Variants in KCNK4 observed in about 807,000 individuals in gnomAD.
The protein encoded by KCNK4 is potassium channel subfamily K member 4.
KCNK4 carries 22 observed loss-of-function variants against 28.8 expected under a neutral mutation model. The ratio of observed to expected loss-of-function variants is 0.76; its 90% CI spans 0.55 to 1.09. The LOEUF (loss-of-function observed/expected upper bound fraction) is 1.09, where lower values mean the gene tolerates loss of function less well. KCNK4 is among the 50% of genes least tolerant of loss of function. KCNK4 has a pLI of 0.00. For missense variants in KCNK4, 483 were observed against 546.3 expected, an observed-to-expected ratio of 0.88 and a Z score of 1.15; for synonymous variants, 263 against 252.9, an observed-to-expected ratio of 1.04 and a Z score of -0.38.
At chr11:64,295,242 A>G (rs1442381351) in intron 2 of KCNK4, among the ~76,000 whole-genome samples, 1 of 152,184 alleles carries the variant, frequency 6.6e-6, no homozygotes, top group East Asian at 1.9e-4. Flanking sequence ...CTTTCTGTTA[A>G]GCACCAATTG....
Position 64,297,153 on chromosome 11 carries a change from G to T in KCNK4, c.348G>T (p.Gly116=). 6.2e-7 allele frequency: 1 copy of T among 1,614,184 alleles called. No homozygotes were observed. The highest frequency in any genetic ancestry group is 8.5e-7 in the Non-Finnish European group (1 of 1,180,042). The part of the protein sequence containing the change: ...YGNVALRTDA[G]RLFCIFYALV... Reference sequence around the variant, plus strand: ...ATGTGGCCCTGCGCACAGATGCCGGGCGCCTCTTCTGCATCTTTTATGCGC... The same window carrying T: ...ATGTGGCCCTGCGCACAGATGCCGGTCGCCTCTTCTGCATCTTTTATGCGC... Residue 116 remains glycine (G), a synonymous_variant, in exon 4 of 7, where the codon GGG becomes GGT. Transcript: ENST00000422670.
chr11:64,292,862 T>C, intron 1 of KCNK4, 80 bp from the exon 2 acceptor site: 2 of 1,370,504 alleles, frequency 1.5e-6, no homozygotes, highest in East Asian at 5.6e-5. Context: ...TATGGATCTT[T>C]GGGTGTGTAG....
chr11:64,293,609 C>CT lies in KCNK4; in HGVS notation c.189+411dup, dbSNP rs201150836. On this transcript the variant is annotated intron_variant, in intron 2 of 6. Transcript: ENST00000422670. ...TGAATTACAGTTAAACTGCAAATGC[C>CT]TTTTTTTTTGAGACGGAGTCTCCCT... Among the ~76,000 whole-genome samples the CT allele has an allele frequency of 8.1e-4, 123 of 151,402 alleles. No individual in the cohort carries two copies. The East Asian group carries it at 8.3e-3, about 10-fold the overall frequency.
At position 64,299,683 on chromosome 11, in the gene KCNK4, C is replaced by A. The variant is rs1321289199; in HGVS notation, c.1139C>A (p.Pro380His). ...RPNPPRKPVR[P>H]RGPGRPRDKG... ...AATCCCCCCAGGAAGCCCGTGCGGC[C>A]CCGCGGCCCCGGGCGTCCCCGAGAC... Residue 380 changes from proline (P) to histidine (H), a missense_variant, in exon 7 of 7, where the codon CCC becomes CAC. By Grantham distance (77) the Pro-to-His change is moderately conservative. Coordinates refer to ENST00000422670, the MANE Select transcript of KCNK4 (RefSeq NM_033310.3). 1 of 1,580,374 alleles carries A rather than the reference C, an allele frequency of 6.3e-7. No individual in the cohort carries two copies. Among genetic ancestry groups the A allele is most frequent in the Non-Finnish European group, 8.6e-7 (1 of 1,164,572 alleles).
chr11:64,297,183 G>A lies in KCNK4; in HGVS notation c.378G>A (p.Val126=). Residue 126 remains valine, a synonymous_variant, in exon 4 of 7, where the codon GTG becomes GTA. Coordinates refer to ENST00000422670, the MANE Select transcript of KCNK4 (RefSeq NM_033310.3). ...TCTTCTGCATCTTTTATGCGCTGGTGGGGATTCCGCTGTTTGGGATCCTAC... is the reference window on the plus strand; with the variant it reads ...TCTTCTGCATCTTTTATGCGCTGGTAGGGATTCCGCTGTTTGGGATCCTAC... ...GRLFCIFYAL[V]GIPLFGILLA... 6.2e-7 allele frequency: 1 copy of A among 1,614,142 alleles called. No homozygotes were observed. Among genetic ancestry groups the A allele is most frequent in the Non-Finnish European group, 8.5e-7 (1 of 1,180,024 alleles).
rs1316323341 is a variant in KCNK4 at position 64,298,074 on chromosome 11, A to G, written c.662-36A>G. On this transcript the variant is annotated intron_variant, in intron 5 of 6. Coordinates refer to ENST00000422670, the MANE Select transcript of KCNK4 (RefSeq NM_033310.3). ...CCAGAGCTCACAGGCTTGCCCCACAATCCAATTCTTTCTACCTTCCCTGGT... is the reference window on the plus strand; with the variant it reads ...CCAGAGCTCACAGGCTTGCCCCACAGTCCAATTCTTTCTACCTTCCCTGGT... 3 of 1,607,462 alleles carry G rather than the reference A, an allele frequency of 1.9e-6. No homozygotes were observed. In the African/African-American group the frequency reaches 4.0e-5, roughly 21 times the overall value.
Position 64,297,549 on chromosome 11 carries a change from C to A in KCNK4, c.557C>A (p.Thr186Lys), listed in dbSNP as rs761615611. Residue 186 changes from threonine to lysine, a missense_variant, in exon 5 of 7, where the codon ACG becomes AAG. Thr to Lys is a moderately conservative substitution (Grantham distance 78). Coordinates refer to ENST00000422670, the MANE Select transcript of KCNK4 (RefSeq NM_033310.3). The part of the protein sequence containing the change: ...LLIGCLLFVL[T>K]PTFVFCYMED... ...ATCGGCTGCCTGCTCTTTGTCCTCA[C>A]GCCCACGTTCGTGTTCTGCTATATG... 22 of 1,614,166 alleles carry A rather than the reference C, an allele frequency of 1.4e-5. No homozygotes were observed. Among genetic ancestry groups the A allele is most frequent in the Non-Finnish European group, 1.8e-5 (21 of 1,180,022 alleles).
In KCNK4 at chr11:64,297,508, G is replaced by A. The variant is rs147311763; in HGVS notation, c.516G>A (p.Ala172=). 6 of 1,614,036 alleles carry A rather than the reference G, an allele frequency of 3.7e-6. No individual in the cohort carries two copies. In the African/African-American group the frequency reaches 4.0e-5, roughly 11 times the overall value. The part of the protein sequence containing the change: ...VPPELVRVLS[A]MLFLLIGCLL... ...CGGAGCTAGTAAGAGTGCTGTCGGC[G>A]ATGCTTTTCCTGCTGATCGGCTGCC... The change falls in exon 5 of 7, where the codon GCG becomes GCA. Residue 172 remains alanine, a synonymous_variant. Transcript: ENST00000422670.
intron 2 of KCNK4, 32 bp from the exon 3 acceptor site, chr11:64,296,846 T>G: frequency 2.0e-6 from 3 of 1,498,506 alleles, no homozygotes; most frequent in Non-Finnish European, 2.7e-6. Context: ...AGGGAAGAAC[T>G]GAAGCTCCTC....
At chr11:64,295,008 G>T (rs1330588166) in intron 2 of KCNK4, among the ~76,000 whole-genome samples, 1 of 152,204 alleles carries the variant, frequency 6.6e-6, no homozygotes, top group African/African-American at 2.4e-5. Context: ...AGAAGGGTGG[G>T]TGACAGCCGC....
chr11:64,299,536 C>T lies in KCNK4; in HGVS notation c.992C>T (p.Pro331Leu), dbSNP rs768144352. Residue 331 changes from proline to leucine, a missense_variant, in exon 7 of 7, where the codon CCG (proline) becomes CTG (leucine). By Grantham distance (98) the Pro-to-Leu change is moderately conservative. Coordinates refer to ENST00000422670, the MANE Select transcript of KCNK4 (RefSeq NM_033310.3). Reference protein sequence around the residue: ...SPPEKAQPPSPPTASALDYPS... With the variant: ...SPPEKAQPPSLPTASALDYPS... ...CCCGAGAAGGCTCAGCCGCCTTCCC[C>T]GCCCACGGCCTCGGCCCTGGATTAT... The T allele has an allele frequency of 1.4e-5, 23 of 1,610,004 alleles. No individual in the cohort carries two copies. In the Admixed American group the frequency reaches 3.2e-4, roughly 22 times the overall value.
intron 6 of KCNK4, among the ~76,000 whole-genome samples, chr11:64,298,739 CAAAT>C (rs910701594): frequency 5.3e-5 from 8 of 151,942 alleles, no homozygotes; most frequent in Non-Finnish European, 1.0e-4. Context: ...ATTTGAATTC[CAAAT>C]AAATAAAATT....
Position 64,291,528 on chromosome 11 carries a change from C to A in KCNK4, c.-116C>A, listed in dbSNP as rs1168493551. 6.6e-6 allele frequency: 1 copy of A among 152,610 alleles called. No individual in the cohort carries two copies. Among genetic ancestry groups the A allele is most frequent in the Non-Finnish European group, 1.5e-5 (1 of 68,356 alleles). The allele number at this position is 152,610 out of a possible 1,614,324, so 9.5% of individuals were successfully genotyped here. Reference sequence around the variant, plus strand: ...TCTCCGGCTCCTCTGCCACCCACCTCCCGGGGCTGGCCGGCTGTGGGGAGC... The same window carrying A: ...TCTCCGGCTCCTCTGCCACCCACCTACCGGGGCTGGCCGGCTGTGGGGAGC... On this transcript the variant is annotated 5_prime_UTR_variant, in exon 1 of 7. Transcript: ENST00000422670.
Position 64,299,348 on chromosome 11 carries a change from G to A in KCNK4, c.804G>A (p.Met268Ile). 6.4e-7 allele frequency: 1 copy of A among 1,553,266 alleles called. No individual in the cohort carries two copies. Among genetic ancestry groups the A allele is most frequent in the Non-Finnish European group, 8.7e-7 (1 of 1,152,068 alleles). The stretch of plus-strand genomic sequence containing the variant: ...GGCTGCTTTCCCTCTCCGTGCAGAT[G>A]GGCGGCCTCACGGCTCAGGCTGCCA... ...RVVSRRTRAE[M>I]GGLTAQAASW... The change falls in exon 7 of 7, where the codon ATG (methionine) becomes ATA (isoleucine). Residue 268 changes from methionine (M) to isoleucine (I), a missense_variant and splice_region_variant. By Grantham distance (10) the Met-to-Ile change is conservative (BLOSUM62 1). Coordinates refer to ENST00000422670, the MANE Select transcript of KCNK4 (RefSeq NM_033310.3).
intron 2 of KCNK4, among the ~76,000 whole-genome samples, chr11:64,294,582 G>A (rs1025570008): frequency 4.0e-4 from 60 of 150,952 alleles, no homozygotes; most frequent in Admixed American, 2.6e-3. Context: ...AGGCAGGCAC[G>A]TCTGTTACTT....
rs968709971 is a variant in KCNK4, at chr11:64,299,794, T to A, written c.*68T>A. 5 of 1,536,136 alleles carry A rather than the reference T, an allele frequency of 3.3e-6. No homozygotes were observed. The highest frequency in any genetic ancestry group is 4.4e-6 in the Non-Finnish European group (5 of 1,147,016). On this transcript the variant is annotated 3_prime_UTR_variant, in exon 7 of 7. Coordinates refer to ENST00000422670, the MANE Select transcript of KCNK4 (RefSeq NM_033310.3). ...CTCTCCCCGGCATGCCTGGCTTGTT[T>A]GACCAAAGAGCCCTCTTTCCACGAG...
rs2034876010 is a variant in KCNK4 at position 64,299,620 on chromosome 11, G to A, written c.1076G>A (p.Cys359Tyr). 1 of 1,607,578 alleles carries A rather than the reference G, an allele frequency of 6.2e-7. No homozygotes were observed. Among genetic ancestry groups the A allele is most frequent in the African/African-American group, 1.3e-5 (1 of 74,366 alleles). ...ESSDTQSERG[C>Y]PLPRAPRGRR... is the part of the protein sequence containing the mutation. ...TCGGATACGCAGAGCGAGCGCGGCT[G>A]CCCGCTGCCCCGCGCGCCGAGAGGT... Residue 359 changes from cysteine (C) to tyrosine (Y), a missense_variant, in exon 7 of 7, where the codon TGC becomes TAC. By Grantham distance (194) the Cys-to-Tyr change is radical. Coordinates refer to ENST00000422670, the MANE Select transcript of KCNK4 (RefSeq NM_033310.3).
rs200541601 is a variant in KCNK4 at position 64,296,963 on chromosome 11, G to A, written c.275G>A (p.Ser92Asn). Residue 92 changes from serine (S) to asparagine (N), a missense_variant, in exon 3 of 7, where the codon AGC becomes AAC. By Grantham distance (46) the Ser-to-Asn change is conservative. Coordinates refer to ENST00000422670, the MANE Select transcript of KCNK4 (RefSeq NM_033310.3). Reference sequence around the variant, plus strand: ...AGCCACTCAGCCTGGGACCTGGGCAGCGCCTTCTTTTTCTCAGGGACCATC... The same window carrying A: ...AGCCACTCAGCCTGGGACCTGGGCAACGCCTTCTTTTTCTCAGGGACCATC... ...NSSHSAWDLG[S>N]AFFFSGTIIT... The A allele has an allele frequency of 1.3e-6, 2 of 1,522,544 alleles. No homozygotes were observed. The highest frequency in any genetic ancestry group is 4.6e-5 in the East Asian group (2 of 43,914). 94.3% of individuals were successfully genotyped at this position (1,522,544 alleles called of 1,614,324 possible). A position where few individuals can be genotyped will look rare whatever the true frequency, so the allele number is the denominator to read the frequency against.
chr11:64,292,835 A>C, intron 1 of KCNK4, 107 bp from the exon 2 acceptor site: 1 of 1,229,062 alleles, frequency 8.1e-7, no homozygotes, highest in Non-Finnish European at 1.1e-6. Context: ...GTCTGTGGAC[A>C]GTGCAGCTGG....
Sources: gnomAD v4.1 joint callset for allele counts (sites outside exome capture counted in the v4.1 genomes callset) on GRCh38, gnomAD v4.1.1 for gene constraint, MANE v1.5 for transcripts, NCBI Gene and HGNC (gene_info 2026-07-23, HGNC 2026-07-21) for gene names.